Variants in POLR1D observed in about 807,000 individuals in gnomAD.
POLR1D encodes the protein DNA-directed RNA polymerases I and III subunit RPAC2.
In POLR1D, 8 loss-of-function variants were observed where a neutral mutation model predicts 10.8. The ratio of observed to expected loss-of-function variants is 0.74; its 90% CI spans 0.43 to 1.33. The LOEUF (loss-of-function observed/expected upper bound fraction) is 1.33. POLR1D is among the 40% of genes most tolerant of loss of function. POLR1D has a pLI of 0.01. For synonymous variants in POLR1D, 54 were observed against 57.2 expected, an observed-to-expected ratio of 0.94 and a Z score of 0.25; for missense variants, 152 against 161.7, an observed-to-expected ratio of 0.94 and a Z score of 0.32.
chr13:27,664,116 C>G (rs931334944), intron 2 of POLR1D, among the ~76,000 whole-genome samples: 8 of 152,152 alleles, frequency 5.3e-5, no homozygotes, highest in African/African-American at 1.9e-4. Flanking sequence ...CCTGTCAGAC[C>G]CTGCAGGAGA....
chr13:27,635,776 T>C (rs1298897883), intron 1 of POLR1D, among the ~76,000 whole-genome samples: 1 of 150,540 alleles, frequency 6.6e-6, no homozygotes, highest in Non-Finnish European at 1.5e-5. Context: ...CTAAGAATTC[T>C]GAAAGGATAG....
intron 1 of POLR1D, among the ~76,000 whole-genome samples, chr13:27,628,556 A>G (rs1830147551): frequency 6.6e-6 from 1 of 152,238 alleles, no homozygotes; most frequent in Admixed American, 6.5e-5. Context: ...ATTTTTTTAA[A>G]AACCTGAGCT....
chr13:27,661,157 G>A (rs996386120), intron 2 of POLR1D, among the ~76,000 whole-genome samples: 2 of 152,182 alleles, frequency 1.3e-5, no homozygotes, highest in African/African-American at 4.8e-5. Context: ...CCCATGGCAT[G>A]TGGAACCCTT....
At chr13:27,655,927 A>G (rs1956304797) in intron 2 of POLR1D, among the ~76,000 whole-genome samples, 1 of 152,204 alleles carries the variant, frequency 6.6e-6, no homozygotes, top group Non-Finnish European at 1.5e-5. Context: ...AACTGTGTGG[A>G]AAAAGGTCAT....
At chr13:27,660,042 C>G (rs1593294429) in intron 2 of POLR1D, among the ~76,000 whole-genome samples, 1 of 152,050 alleles carries the variant, frequency 6.6e-6, no homozygotes, top group African/African-American at 2.4e-5. Flanking sequence ...AGCCTCAGGA[C>G]TGTTGTACAC....
intron 2 of POLR1D, chr13:27,650,114 C>A: frequency 2.5e-6 from 1 of 398,390 alleles, no homozygotes; most frequent in East Asian, 3.6e-5. Context: ...CTGTTATCCT[C>A]TGCTCCGTGA....
chr13:27,654,033 A>G (rs983454442), intron 2 of POLR1D, among the ~76,000 whole-genome samples: 4 of 152,352 alleles, frequency 2.6e-5, no homozygotes, highest in African/African-American at 9.6e-5. Context: ...GAAACAACCA[A>G]GCCCCTTGAA....
At chr13:27,658,535 A>T (rs36058087) in intron 2 of POLR1D, among the ~76,000 whole-genome samples, 3,396 of 152,294 alleles carry the variant, frequency 0.022, 37 homozygotes, top group South Asian at 0.056. Context: ...AACTAGAGTG[A>T]GTGGTATTAT....
intron 1 of POLR1D, chr13:27,648,283 G>A: frequency 4.8e-6 from 4 of 840,604 alleles, no homozygotes; most frequent in Non-Finnish European, 7.9e-6. Flanking sequence ...TGCTTCAAAA[G>A]TTAGTTCCTT....
chr13:27,640,510 C>T (rs1169574858), intron 1 of POLR1D, among the ~76,000 whole-genome samples: 1 of 151,654 alleles, frequency 6.6e-6, no homozygotes, highest in East Asian at 1.9e-4. Flanking sequence ...AATATTGTTT[C>T]CCACTAGTGC....
intron 1 of POLR1D, among the ~76,000 whole-genome samples, chr13:27,647,101 T>G (rs1281790688): frequency 6.6e-6 from 1 of 152,158 alleles, no homozygotes; most frequent in African/African-American, 2.4e-5. Context: ...CTCTTTTTCT[T>G]AACTTTATTT....
chr13:27,632,641 A>AACCCCCCCCCCCC (rs1956085753), intron 1 of POLR1D, among the ~76,000 whole-genome samples: 1 of 145,156 alleles, frequency 6.9e-6, no homozygotes, highest in Non-Finnish European at 1.5e-5. Context: ...AAATTGCAGC[A>AACCCCCCCCCCCC]CCCCCCGCCC....
chr13:27,651,899 C>T (rs1469949169), intron 2 of POLR1D, among the ~76,000 whole-genome samples: 1 of 152,164 alleles, frequency 6.6e-6, no homozygotes, highest in African/African-American at 2.4e-5. Context: ...TGAAAACACC[C>T]AGCATGGTTC....
At chr13:27,641,604 A>G (rs1956173816) in intron 1 of POLR1D, among the ~76,000 whole-genome samples, 1 of 152,224 alleles carries the variant, frequency 6.6e-6, no homozygotes, top group Non-Finnish European at 1.5e-5. Flanking sequence ...TCAAGATAGG[A>G]AGAAGAAATA....
At chr13:27,665,744 A>T in exon 3 of POLR1D, 2 of 1,613,276 alleles carry the variant, frequency 1.2e-6, no homozygotes, top group Non-Finnish European at 1.7e-6. Flanking sequence ...AATTAAAAAC[A>T]CATTGCCCTC....
intron 2 of POLR1D, among the ~76,000 whole-genome samples, chr13:27,661,547 C>T (rs530058017): frequency 6.6e-6 from 1 of 152,300 alleles, no homozygotes; most frequent in South Asian, 2.1e-4. Flanking sequence ...AGTGCAGACA[C>T]AGCAGGCAGC....
chr13:27,665,601 T>C, intron 2 of POLR1D: 1 of 1,227,304 alleles, frequency 8.1e-7, no homozygotes, highest in South Asian at 1.2e-5. Flanking sequence ...AGCAGGATTC[T>C]TTGGTACTAA....
intron 1 of POLR1D, among the ~76,000 whole-genome samples, chr13:27,639,698 A>T (rs1208645586): frequency 6.6e-6 from 1 of 152,196 alleles, no homozygotes; most frequent in Non-Finnish European, 1.5e-5. Flanking sequence ...ATTAACCCAC[A>T]TTTTAACTGA....
At chr13:27,624,433 T>C (rs1054185208), downstream of POLR1D, among the ~76,000 whole-genome samples, 2 of 152,180 alleles carry the variant, frequency 1.3e-5, no homozygotes, top group African/African-American at 2.4e-5. Context: ...ACCTGACCTC[T>C]TACACTAGCG....
Sources: gnomAD v4.1 joint callset for allele counts (sites outside exome capture counted in the v4.1 genomes callset) on GRCh38, gnomAD v4.1.1 for gene constraint, MANE v1.5 for transcripts, NCBI Gene and HGNC (gene_info 2026-07-23, HGNC 2026-07-21) for gene names.